Variants in DGKH observed in about 807,000 individuals in gnomAD.
DGKH encodes diacylglycerol kinase eta.
A neutral mutation model predicts 159.3 loss-of-function variants in DGKH; 90 were observed. The observed-to-expected ratio is 0.57, with a 90% CI of 0.48 to 0.67. DGKH has a LOEUF of 0.67. Among genes scored for constraint, DGKH ranks in the 30% least tolerant of loss-of-function variants. The pLI is 0.00. For synonymous variants in DGKH, 536 were observed against 553.8 expected (o/e 0.97, Z 0.45); for missense variants, 1,181 against 1,506.1 (o/e 0.78, Z 3.57).
intron 13 of DGKH, among the ~76,000 whole-genome samples, chr13:42,179,841 A>G (rs890298683): frequency 1.3e-5 from 2 of 152,078 alleles, no homozygotes; most frequent in Non-Finnish European, 2.9e-5. Context: ...ATGTTGTACT[A>G]CAAAGGTGTT....
chr13:42,208,935 A>G (rs1309030905), intron 21 of DGKH, 24 bp from the exon 22 acceptor site: 2 of 1,551,256 alleles, frequency 1.3e-6, no homozygotes, highest in Non-Finnish European at 1.8e-6. Flanking sequence ...ATTCAGTAGA[A>G]GTGTAATGTA....
intron 11 of DGKH, among the ~76,000 whole-genome samples, chr13:42,172,635 T>G (rs1956491765): frequency 1.3e-5 from 2 of 152,228 alleles, no homozygotes; most frequent in Admixed American, 6.5e-5. Flanking sequence ...GTTAAGGTAC[T>G]GCTTTTATTA....
chr13:42,170,392 G>A (rs535292516), intron 11 of DGKH, among the ~76,000 whole-genome samples: 109 of 152,118 alleles, frequency 7.2e-4, no homozygotes, highest in African/African-American at 2.4e-3. Flanking sequence ...CAATCTGGGC[G>A]ACAGAGTGAG....
chr13:42,110,696 G>A (rs895573766), intron 1 of DGKH, among the ~76,000 whole-genome samples: 9 of 151,970 alleles, frequency 5.9e-5, no homozygotes, highest in Non-Finnish European at 1.5e-5. Context: ...CTGAAGAAAA[G>A]CCCATCTGTG....
In DGKH at chr13:42,235,963, G is replaced by A. The variant is rs1468488141; in HGVS notation, c.*6775G>A. On this transcript the variant is annotated 3_prime_UTR_variant, in exon 30 of 30. Coordinates refer to ENST00000337343, the MANE Select transcript of DGKH (RefSeq NM_178009.5). The stretch of plus-strand genomic sequence containing the variant: ...TTTTTATATCAAAATAATTATGCTG[G>A]CTATTCAAACTGCCAAGATGTATTT... 1.3e-5 allele frequency: 2 copies of A among 151,762 alleles called. No individual in the cohort carries two copies. The highest frequency in any genetic ancestry group is 2.9e-5 in the Non-Finnish European group (2 of 67,954). The allele number at this position is 151,762 out of a possible 1,614,324, so 9.4% of individuals were successfully genotyped here. A position where few individuals can be genotyped will look rare whatever the true frequency, so the allele number is the denominator to read the frequency against.
At chr13:42,202,534 A>G (rs1957372934) in intron 20 of DGKH, among the ~76,000 whole-genome samples, 1 of 152,222 alleles carries the variant, frequency 6.6e-6, no homozygotes, top group Admixed American at 6.5e-5. Context: ...GTTTCCCTAT[A>G]TACGAAATTG....
At chr13:42,174,744 C>T (rs1036041041) in intron 12 of DGKH, among the ~76,000 whole-genome samples, 3 of 152,112 alleles carry the variant, frequency 2.0e-5, no homozygotes, top group African/African-American at 7.2e-5. Flanking sequence ...CTCTGTGGCC[C>T]AGGCTGGCTG....
intron 1 of DGKH, among the ~76,000 whole-genome samples, chr13:42,043,283 A>G (rs751665044): frequency 6.6e-6 from 1 of 152,246 alleles, no homozygotes; most frequent in African/African-American, 2.4e-5. Context: ...TGGATCCTCA[A>G]AGACCTCAGG....
intron 3 of DGKH, among the ~76,000 whole-genome samples, chr13:42,141,437 A>C (rs1312447422): frequency 1.3e-5 from 2 of 152,124 alleles, no homozygotes; most frequent in Non-Finnish European, 2.9e-5. Flanking sequence ...GGCTGGGTCA[A>C]ATGGCATTTC....
chr13:42,078,956 C>A, intron 1 of DGKH, among the ~76,000 whole-genome samples: 1 of 124,048 alleles, frequency 8.1e-6, no homozygotes, highest in Non-Finnish European at 1.6e-5. Flanking sequence ...GTCTCTGTTG[C>A]CCAGAGTGCA....
chr13:42,189,928 G>A (rs1260786135), intron 15 of DGKH, among the ~76,000 whole-genome samples: 4 of 152,048 alleles, frequency 2.6e-5, no homozygotes, highest in East Asian at 1.9e-4. Context: ...TCAGCCTCCC[G>A]AAGTGCTGGG....
exon 31 of DGKH, chr13:42,256,412 A>T: frequency 1.3e-6 from 2 of 1,580,224 alleles, no homozygotes; most frequent in South Asian, 1.1e-5. Context: ...GGCAGCAAAG[A>T]TTGCTAAGAC....
At chr13:42,178,583 A>T (rs530016485) in intron 13 of DGKH, among the ~76,000 whole-genome samples, 8 of 152,348 alleles carry the variant, frequency 5.3e-5, no homozygotes, top group South Asian at 2.1e-4. Context: ...ACTATTTAGG[A>T]ACTGTTTACA....
intron 5 of DGKH, among the ~76,000 whole-genome samples, chr13:42,156,446 G>T (rs1181867668): frequency 6.6e-6 from 1 of 151,458 alleles, no homozygotes; most frequent in Non-Finnish European, 1.5e-5. Context: ...TCACTATGTT[G>T]CCCAGGCTGG....
chr13:42,093,498 C>T (rs1214274201), intron 1 of DGKH, among the ~76,000 whole-genome samples: 2 of 152,200 alleles, frequency 1.3e-5, no homozygotes, highest in East Asian at 1.9e-4. Flanking sequence ...CCAGCGATTT[C>T]ACTTCTGGTA....
chr13:42,086,374 C>T (rs950792177), intron 1 of DGKH, among the ~76,000 whole-genome samples: 1 of 152,154 alleles, frequency 6.6e-6, no homozygotes, highest in Admixed American at 6.6e-5. Context: ...TCTTACTTTG[C>T]TGTCTCTACA....
intron 20 of DGKH, among the ~76,000 whole-genome samples, chr13:42,203,910 A>G (rs1957401479): frequency 6.6e-6 from 1 of 152,198 alleles, no homozygotes; most frequent in Admixed American, 6.5e-5. Flanking sequence ...ACACTCCTGA[A>G]GTTTTTCCTG....
intron 9 of DGKH, among the ~76,000 whole-genome samples, chr13:42,167,301 A>G (rs902956025): frequency 6.6e-6 from 1 of 152,204 alleles, no homozygotes; most frequent in East Asian, 1.9e-4. Context: ...CTTCTGAACC[A>G]GGGGCCTTCA....
downstream of DGKH, among the ~76,000 whole-genome samples, chr13:42,247,467 G>A (rs978313144): frequency 6.6e-6 from 1 of 151,898 alleles, no homozygotes; most frequent in Non-Finnish European, 1.5e-5. Context: ...CTGATCTCAA[G>A]CAATCCGCCT....
Sources: gnomAD v4.1 joint callset for allele counts (sites outside exome capture counted in the v4.1 genomes callset) on GRCh38, gnomAD v4.1.1 for gene constraint, MANE v1.5 for transcripts, NCBI Gene and HGNC (gene_info 2026-07-23, HGNC 2026-07-21) for gene names.